Variants in NUDT7 observed in about 807,000 individuals in gnomAD.
NUDT7 encodes nudix hydrolase 7, also known as peroxisomal coenzyme A diphosphatase NUDT7.
Under a neutral mutation model 13.1 loss-of-function variants are expected in NUDT7, and 19 were observed. The observed-to-expected ratio is 1.45, with a 90% confidence interval of 1.01 to 2.13. NUDT7 has a LOEUF of 2.13. Ranked by LOEUF, NUDT7 falls within the 30% of genes most tolerant of loss-of-function variation. The probability of loss-of-function intolerance (pLI) is 0.00; values close to 1 mark genes in which losing one functional copy is unlikely to be tolerated. For missense variants in NUDT7, 360 were observed against 291.7 expected (o/e 1.23, Z -1.71); for synonymous variants, 132 against 109.7 (o/e 1.20, Z -1.27).
intron 2 of NUDT7, chr16:77,735,571 G>T: frequency 1.8e-6 from 1 of 564,652 alleles, no homozygotes; most frequent in South Asian, 2.6e-5. Context: ...TTATAGCAGT[G>T]CAAGAACAGA....
intron 3 of NUDT7, 149 bp downstream of exon 3, chr16:77,736,135 T>C (rs2014478250): frequency 2.8e-6 from 2 of 710,864 alleles, no homozygotes; most frequent in Non-Finnish European, 2.3e-6. Flanking sequence ...TTGCCCCTCA[T>C]GAGTCAAGTG....
intron 2 of NUDT7, among the ~76,000 whole-genome samples, chr16:77,732,935 G>C (rs1425347500): frequency 6.6e-6 from 1 of 152,180 alleles, no homozygotes; most frequent in Non-Finnish European, 1.5e-5. Flanking sequence ...AACATTAGGT[G>C]TATTTCTTAC....
chr16:77,729,108 A>G (rs918850294), intron 2 of NUDT7, among the ~76,000 whole-genome samples: 2 of 152,208 alleles, frequency 1.3e-5, no homozygotes, highest in African/African-American at 4.8e-5. Context: ...AATGTATACT[A>G]TTTATCAAAA....
chr16:77,723,213 T>C (rs1266581644), intron 1 of NUDT7, among the ~76,000 whole-genome samples: 2 of 152,254 alleles, frequency 1.3e-5, no homozygotes, highest in African/African-American at 4.8e-5. Flanking sequence ...TGGTCAGTTC[T>C]GTGGTTTCCG....
At chr16:77,723,129 G>T (rs1016288933) in intron 1 of NUDT7, among the ~76,000 whole-genome samples, 2 of 142,348 alleles carry the variant, frequency 1.4e-5, no homozygotes, top group Non-Finnish European at 3.0e-5. Context: ...TGATACCTTG[G>T]TGATTATTCC....
chr16:77,733,458 C>G (rs554880666), intron 2 of NUDT7, among the ~76,000 whole-genome samples: 6 of 152,198 alleles, frequency 3.9e-5, no homozygotes, highest in Non-Finnish European at 8.8e-5. Flanking sequence ...ACCTAAACAC[C>G]TCCCAAAGAT....
At position 77,723,592 on chromosome 16, in the gene NUDT7, C is replaced by CTTTTTT. The variant is rs148451618; in HGVS notation, c.35+988_35+993dup. 3.0e-3 allele frequency among the ~76,000 whole-genome samples: 379 copies of CTTTTTT among 125,658 alleles called. 22 individuals carry two copies. Among genetic ancestry groups the CTTTTTT allele is most frequent in the African/African-American group, 8.8e-3 (282 of 31,898 alleles). The allele number at this position is 125,658 out of a possible 152,430, so 82.4% of individuals were successfully genotyped here. On this transcript the variant is annotated intron_variant, in intron 1 of 3. Transcript: ENST00000268533. Reference sequence around the variant, plus strand: ...AACTCAGAGAAGTCATTTGTATACACTTTTTTTTTTTTTTTTTTGAGACAG... The same window carrying CTTTTTT: ...AACTCAGAGAAGTCATTTGTATACACTTTTTTTTTTTTTTTTTTTTTTTTGAGACAG...
rs1418083385 is a variant in NUDT7, at chr16:77,735,977, T to C, written c.339T>C (p.Cys113=). Residue 113 remains cysteine, a synonymous_variant, in exon 3 of 4, where the codon TGT becomes TGC. Transcript: ENST00000268533. ...QVEVVCCLVP[C]LIDTDTLITP... is the part of the protein sequence containing the mutation. ...AAGTTGTCTGCTGCCTGGTGCCATG[T>C]CTTATTGATGTAAGGGTTTCCTGAG... 1.2e-6 allele frequency: 2 copies of C among 1,614,094 alleles called. No individual in the cohort carries two copies. Among genetic ancestry groups the C allele is most frequent in the East Asian group, 2.2e-5 (1 of 44,872 alleles).
Position 77,742,162 on chromosome 16 carries a change from A to G in NUDT7, c.*212A>G, listed in dbSNP as rs1133110. 0.47 allele frequency: 547,522 copies of G among 1,167,782 alleles called. 133,507 individuals are homozygous for G. The highest frequency in any genetic ancestry group is 0.5 in the Non-Finnish European group (457,468 of 918,174). The allele number at this position is 1,167,782 out of a possible 1,614,324, so 72.3% of individuals were successfully genotyped here. ...GAAAACTATGTTCATAGTGTTGCAT[A>G]TTTTCACCCACAATATGTTAATAAT... is the stretch of plus-strand genomic sequence containing the variant. On this transcript the variant is annotated 3_prime_UTR_variant, in exon 4 of 4. Transcript: ENST00000268533.
intron 2 of NUDT7, among the ~76,000 whole-genome samples, chr16:77,725,904 C>A (rs919240119): frequency 1.7e-4 from 26 of 152,198 alleles, no homozygotes; most frequent in Non-Finnish European, 1.5e-5. Context: ...TGTTTACCAT[C>A]ATCCTTGGCC....
At chr16:77,723,665 C>T (rs747918569) in intron 1 of NUDT7, among the ~76,000 whole-genome samples, 2 of 149,040 alleles carry the variant, frequency 1.3e-5, no homozygotes, top group Non-Finnish European at 3.0e-5. Context: ...AATCTCGGCT[C>T]ACTGCAGCCT....
chr16:77,723,766 A>T (rs1008105608), intron 1 of NUDT7, among the ~76,000 whole-genome samples: 1 of 151,664 alleles, frequency 6.6e-6, no homozygotes, highest in African/African-American at 2.4e-5. Context: ...TAATTTTTGT[A>T]TGTTTAGTAG....
intron 3 of NUDT7, among the ~76,000 whole-genome samples, chr16:77,739,056 A>G (rs1220598833): frequency 1.3e-5 from 2 of 152,182 alleles, no homozygotes; most frequent in Admixed American, 1.3e-4. Flanking sequence ...ACGAATATTT[A>G]CTGAGCATAC....
chr16:77,742,085 C>G lies in NUDT7; in HGVS notation c.*135C>G. ...TGCAGTATGTAGTTAGAATCCTTGC[C>G]TCTTTTCCAGTTGCCTTCTATTGTC... On this transcript the variant is annotated 3_prime_UTR_variant, in exon 4 of 4. Coordinates refer to ENST00000268533, the MANE Select transcript of NUDT7 (RefSeq NM_001105663.3). The G allele has an allele frequency of 2.1e-6, 3 of 1,428,966 alleles. No individual in the cohort carries two copies. The highest frequency in any genetic ancestry group is 2.7e-6 in the Non-Finnish European group (3 of 1,098,606). 88.5% of individuals were successfully genotyped at this position (1,428,966 alleles called of 1,614,324 possible).
At chr16:77,732,917 G>GCT (rs1318651608) in intron 2 of NUDT7, among the ~76,000 whole-genome samples, 1 of 152,166 alleles carries the variant, frequency 6.6e-6, no homozygotes, top group Non-Finnish European at 1.5e-5. Flanking sequence ...CTGTTTCAGA[G>GCT]TTGCTGTAAC....
At chr16:77,736,354 G>C in intron 3 of NUDT7, 1 of 183,488 alleles carries the variant, frequency 5.4e-6, no homozygotes, top group Non-Finnish European at 1.2e-5. Context: ...ACTCCAATGT[G>C]CTAGATACCA....
chr16:77,726,503 C>T (rs982135274), intron 2 of NUDT7, among the ~76,000 whole-genome samples: 7 of 152,126 alleles, frequency 4.6e-5, no homozygotes, highest in African/African-American at 1.2e-4. Flanking sequence ...ATTGCTATAA[C>T]GAAATACCTG....
chr16:77,726,749 A>G (rs2014149154), intron 2 of NUDT7, among the ~76,000 whole-genome samples: 1 of 152,194 alleles, frequency 6.6e-6, no homozygotes, highest in Admixed American at 6.5e-5. Flanking sequence ...GTGAGCCGAG[A>G]TTGTGCCACT....
intron 1 of NUDT7, among the ~76,000 whole-genome samples, chr16:77,723,462 C>T (rs557435327): frequency 6.6e-6 from 1 of 152,280 alleles, no homozygotes; most frequent in Non-Finnish European, 1.5e-5. Flanking sequence ...AGATTTATGA[C>T]AGTGGTTACC....
Sources: gnomAD v4.1 joint callset for allele counts (sites outside exome capture counted in the v4.1 genomes callset) on GRCh38, gnomAD v4.1.1 for gene constraint, MANE v1.5 for transcripts, NCBI Gene and HGNC (gene_info 2026-07-23, HGNC 2026-07-21) for gene names.